The following ZNF302 variants were observed in gnomAD, a reference collection of about 807,000 sequenced individuals.
The protein encoded by ZNF302 is zinc finger protein 302.
Under a neutral mutation model 10.8 loss-of-function variants are expected in ZNF302, and 12 were observed. The observed-to-expected ratio is 1.11, with a 90% CI of 0.71 to 1.79. The LOEUF is 1.79. Ranked by LOEUF, ZNF302 falls within the 40% of genes most tolerant of loss-of-function variation. The pLI, the probability that ZNF302 is intolerant of heterozygous loss-of-function variation, is 0.00. For synonymous variants in ZNF302, 178 were observed against 157.5 expected (o/e 1.13, Z -0.98); for missense variants, 461 against 471.1 (o/e 0.98, Z 0.20).
Position 34,683,165 on chromosome 19 carries a change from A to G in ZNF302, c.141A>G (p.Val47=). ...TTTTCCTGTAAGCAGGTCTTTCCGT[A>G]ACTAAGCCATATGTGATCATGTTAT... ...YENLVSVGLS[V]TKPYVIMLLE... The change falls in exon 4 of 5, where the codon GTA becomes GTG. Residue 47 remains valine (V), a synonymous_variant. Coordinates refer to ENST00000505242, the MANE Select transcript of ZNF302 (RefSeq NM_001289187.2). 6.2e-7 allele frequency: 1 copy of G among 1,614,116 alleles called. No individual in the cohort carries two copies. Among genetic ancestry groups the G allele is most frequent in the South Asian group, 1.1e-5 (1 of 91,076 alleles).
intron 2 of ZNF302, chr19:34,679,820 T>C (rs1273963904): frequency 7.1e-6 from 5 of 700,806 alleles, no homozygotes; most frequent in Non-Finnish European, 1.3e-5. Flanking sequence ...CTTTGTTGAC[T>C]GTTATAGCGT....
In ZNF302 at chr19:34,684,264, G is replaced by T; in HGVS notation, c.227G>T (p.Arg76Ile). ...TGATATATTTCAGATTGGGAATCAA[G>T]ATGGGAAAACAAGGAATTATCAACA... is the stretch of plus-strand genomic sequence containing the variant. ...EKKLSKDWES[R>I]WENKELSTKK... is the part of the protein sequence containing the mutation. Residue 76 changes from arginine to isoleucine, a missense_variant, in exon 5 of 5, where the codon AGA becomes ATA. Physicochemically the swap from Arg to Ile is moderately conservative, Grantham distance 97. Transcript: ENST00000505242. 1 of 1,441,416 alleles carries T rather than the reference G, an allele frequency of 6.9e-7. No homozygotes were observed. The highest frequency in any genetic ancestry group is 9.1e-7 in the Non-Finnish European group (1 of 1,094,548). 89.3% of individuals were successfully genotyped at this position (1,441,416 alleles called of 1,614,324 possible). A position where few individuals can be genotyped will look rare whatever the true frequency, so the allele number is the denominator to read the frequency against.
intron 2 of ZNF302, chr19:34,681,703 C>T (rs1171477752): frequency 1.3e-5 from 2 of 152,244 alleles, no homozygotes; most frequent in East Asian, 3.9e-4. Flanking sequence ...GGTGATAATG[C>T]TCTTTCCTGC....
In ZNF302 at chr19:34,684,722, T is replaced by C; in HGVS notation, c.685T>C (p.Tyr229His). The C allele has an allele frequency of 6.2e-7, 1 of 1,614,042 alleles. No homozygotes were observed. The highest frequency in any genetic ancestry group is 8.5e-7 in the Non-Finnish European group (1 of 1,179,942). ...HWRIHTGEKPYECRECGKTFS... is the reference protein window; with the variant it reads ...HWRIHTGEKPHECRECGKTFS... ...GAGAATTCATACAGGAGAGAAGCCC[T>C]ATGAATGTCGTGAATGTGGGAAGAC... Residue 229 changes from tyrosine (Y) to histidine (H), a missense_variant, in exon 5 of 5, where the codon TAT (tyrosine) becomes CAT (histidine). Physicochemically the swap from Tyr to His is moderately conservative, Grantham distance 83. Transcript: ENST00000505242.
intron 2 of ZNF302, among the ~76,000 whole-genome samples, chr19:34,680,643 A>G (rs770958123): frequency 3.9e-5 from 6 of 152,228 alleles, no homozygotes; most frequent in Non-Finnish European, 8.8e-5. Context: ...GAACATCTCA[A>G]GCTGCCCAGG....
At chr19:34,683,319 T>C in intron 4 of ZNF302, 81 bp downstream of exon 4, 1 of 1,515,280 alleles carries the variant, frequency 6.6e-7, no homozygotes. Context: ...GGAAGCATTT[T>C]AGGGATACTG....
chr19:34,685,163 A>C lies in ZNF302; in HGVS notation c.1126A>C (p.Lys376Gln). 6.2e-7 allele frequency: 1 copy of C among 1,608,766 alleles called. No homozygotes were observed. The highest frequency in any genetic ancestry group is 8.5e-7 in the Non-Finnish European group (1 of 1,178,114). ...KKKYECNKCL[K>Q]VFSSFSFLVQ... ...AAAATATGAATGCAACAAATGTCTC[A>C]AGGTCTTTAGTAGCTTCTCATTTCT... The change falls in exon 5 of 5, where the codon AAG becomes CAG. Residue 376 changes from lysine (K) to glutamine (Q), a missense_variant. Lys to Gln is a moderately conservative substitution (Grantham distance 53). Coordinates refer to ENST00000505242, the MANE Select transcript of ZNF302 (RefSeq NM_001289187.2).
At chr19:34,684,013 A>ACT (rs1254468211) in intron 4 of ZNF302, 60 of 1,485,250 alleles carry the variant, frequency 4.0e-5, no homozygotes, top group Admixed American at 2.6e-4. Context: ...CCTTTATCAC[A>ACT]CTCTGTTCCT....
chr19:34,683,136 A>G lies in ZNF302; in HGVS notation c.131-19A>G, dbSNP rs766545705. 2 of 1,613,926 alleles carry G rather than the reference A, an allele frequency of 1.2e-6. No homozygotes were observed. Among genetic ancestry groups the G allele is most frequent in the Non-Finnish European group, 1.7e-6 (2 of 1,179,856 alleles). On this transcript the variant is annotated intron_variant, in intron 3 of 4. Coordinates refer to ENST00000505242, the MANE Select transcript of ZNF302 (RefSeq NM_001289187.2). ...AGAGGACCACAGCTTAAACAATTCT[A>G]TATTTTTCCTGTAAGCAGGTCTTTC... is the stretch of plus-strand genomic sequence containing the variant.
At position 34,684,857 on chromosome 19, in the gene ZNF302, A is replaced by T. The variant is rs1275795849; in HGVS notation, c.820A>T (p.Asn274Tyr). 1.1e-5 allele frequency: 17 copies of T among 1,613,828 alleles called. No homozygotes were observed. The highest frequency in any genetic ancestry group is 1.4e-5 in the Non-Finnish European group (16 of 1,179,782). Residue 274 changes from asparagine to tyrosine, a missense_variant, in exon 5 of 5, where the codon AAC becomes TAC. By Grantham distance (143) the Asn-to-Tyr change is moderately radical. Coordinates refer to ENST00000505242, the MANE Select transcript of ZNF302 (RefSeq NM_001289187.2). ...CTTTAGCCATGGCTCATCACTTACTAACCATCAGAGCACTCACACGGGAGA... is the reference window on the plus strand; with the variant it reads ...CTTTAGCCATGGCTCATCACTTACTTACCATCAGAGCACTCACACGGGAGA... ...KAFSHGSSLT[N>Y]HQSTHTGEKP...
intron 2 of ZNF302, chr19:34,682,103 G>A (rs1218035450): frequency 6.6e-6 from 1 of 152,198 alleles, no homozygotes; most frequent in African/African-American, 2.4e-5. Flanking sequence ...AGAGACGAGA[G>A]AGAGGCAAAG....
In ZNF302 at chr19:34,678,739, C is replaced by G; in HGVS notation, c.-66C>G. ...TTCCTGCCTTTCTGTGCCCTCAGGA[C>G]ACTGCCCATCTCTAAGATAAGAACC... is the stretch of plus-strand genomic sequence containing the variant. On this transcript the variant is annotated splice_region_variant and 5_prime_UTR_variant, in exon 2 of 5. Coordinates refer to ENST00000505242, the MANE Select transcript of ZNF302 (RefSeq NM_001289187.2). 6.3e-7 allele frequency: 1 copy of G among 1,598,014 alleles called. No individual in the cohort carries two copies. The highest frequency in any genetic ancestry group is 8.6e-7 in the Non-Finnish European group (1 of 1,165,808).
chr19:34,685,858 C>A lies in ZNF302; in HGVS notation c.*621C>A. The A allele has an allele frequency of 3.8e-6, 1 of 261,352 alleles. No homozygotes were observed. Among genetic ancestry groups the A allele is most frequent in the South Asian group, 1.0e-4 (1 of 9,614 alleles). The allele number at this position is 261,352 out of a possible 1,614,324, so 16.2% of individuals were successfully genotyped here. On this transcript the variant is annotated 3_prime_UTR_variant, in exon 5 of 5. Transcript: ENST00000505242. ...ATCCCTTAATTGACCTAAGTATACT[C>A]ACACTAGGAAAAATCTGTGTACATG...
chr19:34,676,056 C>G (rs11670385), upstream of ZNF302: 1 of 152,000 alleles, frequency 6.6e-6, no homozygotes, highest in Non-Finnish European at 1.5e-5. Flanking sequence ...GTTCGGGTGG[C>G]CCGTTTTTAT....
At position 34,685,048 on chromosome 19, in the gene ZNF302, A is replaced by T; in HGVS notation, c.1011A>T (p.Gly337=). ...TTCACCATCAGAAAAGCCATACTGG[A>T]GAGAAGCCTTATGAATGTAGAGAAT... The part of the protein sequence containing the change: ...SLIHHQKSHT[G]EKPYECRECG... Residue 337 remains glycine, a synonymous_variant, in exon 5 of 5, where the codon GGA becomes GGT. Transcript: ENST00000505242. The T allele has an allele frequency of 6.2e-7, 1 of 1,613,462 alleles. No individual in the cohort carries two copies. The highest frequency in any genetic ancestry group is 2.2e-5 in the East Asian group (1 of 44,868).
chr19:34,681,246 C>T (rs1391073522), intron 2 of ZNF302: 1 of 152,190 alleles, frequency 6.6e-6, no homozygotes, highest in South Asian at 2.1e-4. Context: ...AATGGCTGTA[C>T]TTTTTGCACA....
chr19:34,677,672 C>T (rs1451629495), upstream of ZNF302: 1 of 152,440 alleles, frequency 6.6e-6, no homozygotes, highest in Non-Finnish European at 1.5e-5. Context: ...GTGGGCGGTG[C>T]ACTGGGTCAG....
upstream of ZNF302, chr19:34,676,714 G>A (rs1790023336): frequency 6.6e-6 from 1 of 152,258 alleles, no homozygotes; most frequent in Admixed American, 6.5e-5. Flanking sequence ...GATCATGCAG[G>A]TCAGTACTTA....
At chr19:34,677,584 G>A (rs577019157), upstream of ZNF302, 1 of 152,448 alleles carries the variant, frequency 6.6e-6, no homozygotes, top group South Asian at 2.1e-4. Context: ...TGGGAAGTGT[G>A]GTCTTCGGGT....
Sources: gnomAD v4.1 joint callset for allele counts (sites outside exome capture counted in the v4.1 genomes callset) on GRCh38, gnomAD v4.1.1 for gene constraint, MANE v1.5 for transcripts, NCBI Gene and HGNC (gene_info 2026-07-23, HGNC 2026-07-21) for gene names.